Variants in BAZ2B observed in about 807,000 individuals in gnomAD.
BAZ2B encodes the protein bromodomain adjacent to zinc finger domain 2B, also known as bromodomain adjacent to zinc finger domain protein 2B.
Under a neutral mutation model 246.0 loss-of-function variants are expected in BAZ2B, and 91 were observed. That is an observed-to-expected ratio of 0.37 (90% CI 0.31 to 0.44). The LOEUF is 0.44. Among genes scored for constraint, BAZ2B ranks in the 20% least tolerant of loss-of-function variants. The pLI, the probability that BAZ2B is intolerant of heterozygous loss-of-function variation, is 1.00. For missense variants in BAZ2B, 2,332 were observed against 2,533.7 expected, an observed-to-expected ratio of 0.92 and a Z score of 1.71; for synonymous variants, 855 against 860.0, an observed-to-expected ratio of 0.99 and a Z score of 0.10.
intron 4 of BAZ2B, among the ~76,000 whole-genome samples, chr2:159,450,104 T>C (rs995540929): frequency 6.6e-6 from 1 of 152,210 alleles, no homozygotes; most frequent in African/African-American, 2.4e-5. Context: ...TCATAGACTT[T>C]GTAAACAACC....
intron 2 of BAZ2B, among the ~76,000 whole-genome samples, chr2:159,549,582 C>T (rs1439290348): frequency 3.3e-5 from 5 of 152,124 alleles, no homozygotes; most frequent in East Asian, 1.9e-4. Context: ...TACAGTAACA[C>T]GAACGATAGC....
rs2063621149 is a variant in BAZ2B, at chr2:159,325,703, A to G, written c.6159T>C (p.Thr2053=). The change falls in exon 35 of 37, where the codon ACT becomes ACC. Residue 2053 remains threonine (T), a synonymous_variant. Coordinates refer to ENST00000392783, the MANE Select transcript of BAZ2B (RefSeq NM_013450.4). ...SINLSKQESF[T]SVKKPKRDDS... is the part of the protein sequence containing the mutation. ...CATCTCTTTTAGGTTTCTTAACTGA[A>G]GTAAAACTTTCTTGTTTTGACAAGT... 1.3e-6 allele frequency: 2 copies of G among 1,595,150 alleles called. No homozygotes were observed. Among genetic ancestry groups the G allele is most frequent in the Non-Finnish European group, 1.7e-6 (2 of 1,175,914 alleles).
rs12233089 is a variant in BAZ2B at position 159,468,813 on chromosome 2, G to A, written c.145+9762C>T. Among the ~76,000 whole-genome samples, 1,833 of 152,232 alleles carry A rather than the reference G, an allele frequency of 0.012. 125 individuals carry two copies. In the East Asian group the frequency reaches 0.22, roughly 18 times the overall value. On this transcript the variant is annotated intron_variant, in intron 3 of 36. Coordinates refer to ENST00000392783, the MANE Select transcript of BAZ2B (RefSeq NM_013450.4). ...TAATCCCAACACTTTGGGAGGCCGA[G>A]GCGGGTGGTTCACAAGTTCAGGAGT...
chr2:159,689,699 T>A, the BAZ2B span: 3 of 383,562 alleles, frequency 7.8e-6, no homozygotes, highest in South Asian at 2.7e-5. Context: ...AACAAAGAAA[T>A]CATGGAGACG....
At chr2:159,546,424 A>G (rs566877487) in intron 2 of BAZ2B, among the ~76,000 whole-genome samples, 1 of 148,446 alleles carries the variant, frequency 6.7e-6, no homozygotes, top group South Asian at 2.2e-4. Context: ...AGTCCAATAA[A>G]CCTCTTTCTT....
chr2:159,542,976 TG>T (rs961336624), intron 2 of BAZ2B, among the ~76,000 whole-genome samples: 8 of 152,188 alleles, frequency 5.3e-5, no homozygotes, highest in African/African-American at 1.9e-4. Context: ...CTGATTGCCA[TG>T]TAACTCTGGG....
Position 159,389,311 on chromosome 2 carries a change from A to G in BAZ2B, c.3216+34T>C, listed in dbSNP as rs541012580. The G allele has an allele frequency of 5.2e-6, 8 of 1,524,326 alleles. No homozygotes were observed. In the South Asian group the frequency reaches 9.1e-5, roughly 17 times the overall value. 94.4% of individuals were successfully genotyped at this position (1,524,326 alleles called of 1,614,324 possible). A position where few individuals can be genotyped will look rare whatever the true frequency, so the allele number is the denominator to read the frequency against. ...TAAGAAAACTGGAAAAATTAAACTT[A>G]TGAATGAAATGGTGTACATGACGTA... On this transcript the variant is annotated intron_variant, in intron 21 of 36. Coordinates refer to ENST00000392783, the MANE Select transcript of BAZ2B (RefSeq NM_013450.4).
intron 31 of BAZ2B, 140 bp from the exon 32 acceptor site, chr2:159,337,912 A>AC: frequency 1.3e-6 from 1 of 757,120 alleles, no homozygotes; most frequent in Non-Finnish European, 2.0e-6. Flanking sequence ...TGTTTCCTAA[A>AC]ACTAGGTGGA....
chr2:159,663,794 G>A, the BAZ2B span, among the ~76,000 whole-genome samples: 5 of 151,158 alleles, frequency 3.3e-5, no homozygotes, highest in South Asian at 1.0e-3. Flanking sequence ...TGGGATTACA[G>A]GTGTGAGCCA....
chr2:159,644,935 AAGT>A, the BAZ2B span, among the ~76,000 whole-genome samples: 20 of 152,290 alleles, frequency 1.3e-4, no homozygotes, highest in African/African-American at 4.6e-4. Context: ...ATTTTACTAT[AAGT>A]AGTAAGGAGG....
intron 27 of BAZ2B, among the ~76,000 whole-genome samples, chr2:159,368,503 C>T (rs981743093): frequency 2.6e-5 from 4 of 152,060 alleles, no homozygotes; most frequent in African/African-American, 9.7e-5. Context: ...GTTCTTAGCA[C>T]ATAGAATACA....
At chr2:159,706,514 G>A in the BAZ2B span, among the ~76,000 whole-genome samples, 3 of 152,220 alleles carry the variant, frequency 2.0e-5, no homozygotes, top group Non-Finnish European at 4.4e-5. Flanking sequence ...TCTGAAGTTC[G>A]TGTGTGCCTC....
chr2:159,357,536 G>A (rs930001712), intron 27 of BAZ2B, among the ~76,000 whole-genome samples: 11 of 152,070 alleles, frequency 7.2e-5, no homozygotes, highest in African/African-American at 2.7e-4. Context: ...GAACTAAGCT[G>A]GCAAATATAC....
At chr2:159,550,579 G>A (rs182812118) in intron 2 of BAZ2B, among the ~76,000 whole-genome samples, 23 of 151,756 alleles carry the variant, frequency 1.5e-4, no homozygotes, top group South Asian at 2.1e-4. Context: ...GTGATATACC[G>A]GAAAAAAAAT....
chr2:159,649,566 C>T, the BAZ2B span, among the ~76,000 whole-genome samples: 2 of 152,158 alleles, frequency 1.3e-5, no homozygotes, highest in African/African-American at 4.8e-5. Flanking sequence ...GGTACCAGTC[C>T]ATGGCCCAGG....
In BAZ2B at chr2:159,408,781, G is replaced by A. The variant is rs544792632; in HGVS notation, c.2677+3554C>T. 1.0e-3 allele frequency among the ~76,000 whole-genome samples: 157 copies of A among 152,222 alleles called. 2 individuals are homozygous for A. The highest frequency in any genetic ancestry group is 3.4e-3 in the African/African-American group (142 of 41,554). ...TAAAAATAGCAAAAATTAGCCGGGC[G>A]TTGTGGTGGGTGCCTGTAATCCCAG... On this transcript the variant is annotated intron_variant, in intron 14 of 36. Transcript: ENST00000392783.
At chr2:159,384,372 GAAAC>G (rs2062374490) in intron 23 of BAZ2B, among the ~76,000 whole-genome samples, 2 of 151,852 alleles carry the variant, frequency 1.3e-5, no homozygotes, top group Non-Finnish European at 2.9e-5. Context: ...GTGAATAGCA[GAAAC>G]AAACAAAAAA....
Position 159,374,854 on chromosome 2 carries a change from A to G in BAZ2B, c.4006-101T>C, listed in dbSNP as rs115347173. ...TCTCCTATAGGCACTGCGGAAAGGT[A>G]TTAAGACTCAGTTCTTTTCTATAAA... On this transcript the variant is annotated intron_variant, in intron 25 of 36. Transcript: ENST00000392783. 262 of 948,924 alleles carry G rather than the reference A, an allele frequency of 2.8e-4. 1 individual carries two copies. Among genetic ancestry groups the G allele is most frequent in the Non-Finnish European group, 4.1e-4 (250 of 614,254 alleles). The allele number at this position is 948,924 out of a possible 1,614,324, so 58.8% of individuals were successfully genotyped here.
At chr2:159,567,158 G>A (rs1375790378) in intron 1 of BAZ2B, among the ~76,000 whole-genome samples, 2 of 152,068 alleles carry the variant, frequency 1.3e-5, no homozygotes, top group East Asian at 1.9e-4. Flanking sequence ...CAGGAGAATC[G>A]CTTGAACCCG....
Sources: allele counts gnomAD v4.1 joint callset (sites outside exome capture counted in the v4.1 genomes callset), GRCh38; gene constraint gnomAD v4.1.1; transcripts MANE v1.5; gene names NCBI Gene and HGNC (gene_info 2026-07-23, HGNC 2026-07-21).